The following RSPO2 variants were observed in gnomAD, a reference collection of about 807,000 sequenced individuals.
The protein encoded by RSPO2 is R-spondin 2.
A neutral mutation model predicts 30.9 loss-of-function variants in RSPO2; 14 were observed. The observed-to-expected ratio is 0.45, with a 90% CI of 0.30 to 0.71. The LOEUF (loss-of-function observed/expected upper bound fraction) is 0.71. Ranked by LOEUF, RSPO2 falls within the 30% of genes least tolerant of loss-of-function variation. RSPO2 has a pLI of 0.08. For synonymous variants in RSPO2, 107 were observed against 96.4 expected (o/e 1.11, Z -0.64); for missense variants, 264 against 301.9 (o/e 0.87, Z 0.93).
At chr8:107,983,796 T>C (rs1354366181) in intron 3 of RSPO2, 18 of 1,604,508 alleles carry the variant, frequency 1.1e-5, no homozygotes, top group Non-Finnish European at 1.3e-5. Flanking sequence ...ATCAGAGTTA[T>C]GGAGCTTGCC....
chr8:108,058,451 C>A (rs1438774272), intron 2 of RSPO2, among the ~76,000 whole-genome samples: 3 of 152,116 alleles, frequency 2.0e-5, no homozygotes, highest in Non-Finnish European at 4.4e-5. Flanking sequence ...TCAATGCTAT[C>A]CCATCAAGCT....
chr8:108,056,686 G>A (rs1019753456), intron 2 of RSPO2, among the ~76,000 whole-genome samples: 1 of 150,866 alleles, frequency 6.6e-6, no homozygotes, highest in Non-Finnish European at 1.5e-5. Flanking sequence ...CACTATGCCT[G>A]GCACATAGTA....
rs1205884065 is a variant in RSPO2, at chr8:107,900,044, G to T, written c.*1031C>A. ...ATTTGGGGGAAAAAAATTGCAGTCA[G>T]AAATAATGTTTGTTTGGACAATTCT... On this transcript the variant is annotated 3_prime_UTR_variant, in exon 6 of 6. Coordinates refer to ENST00000276659, the MANE Select transcript of RSPO2 (RefSeq NM_178565.5). The T allele has an allele frequency of 6.6e-6, 1 of 152,058 alleles. No homozygotes were observed. Among genetic ancestry groups the T allele is most frequent in the Admixed American group, 6.5e-5 (1 of 15,284 alleles). 9.4% of individuals were successfully genotyped at this position (152,058 alleles called of 1,614,324 possible). A position where few individuals can be genotyped will look rare whatever the true frequency, so the allele number is the denominator to read the frequency against.
intron 2 of RSPO2, among the ~76,000 whole-genome samples, chr8:108,014,637 T>A (rs1442650601): frequency 6.6e-6 from 1 of 151,106 alleles, no homozygotes; most frequent in Non-Finnish European, 1.5e-5. Flanking sequence ...AAGTGGGAGT[T>A]GAACAATGAG....
At chr8:108,035,242 T>C (rs918217500) in intron 2 of RSPO2, among the ~76,000 whole-genome samples, 1 of 152,218 alleles carries the variant, frequency 6.6e-6, no homozygotes, top group Non-Finnish European at 1.5e-5. Context: ...TTAGTATAAG[T>C]AAGCCACCAG....
intron 5 of RSPO2, among the ~76,000 whole-genome samples, chr8:107,937,512 T>A (rs1586560168): frequency 6.6e-6 from 1 of 151,938 alleles, no homozygotes; most frequent in East Asian, 1.9e-4. Context: ...TAAGTGGTAG[T>A]CCTGGGAAGA....
At chr8:107,929,660 G>T (rs182491156) in intron 5 of RSPO2, among the ~76,000 whole-genome samples, 25 of 151,928 alleles carry the variant, frequency 1.6e-4, no homozygotes, top group Non-Finnish European at 3.4e-4. Flanking sequence ...ATTGCTGAAG[G>T]ATACTTTAAA....
intron 2 of RSPO2, among the ~76,000 whole-genome samples, chr8:108,080,596 G>A (rs1332173541): frequency 1.3e-5 from 2 of 152,168 alleles, no homozygotes; most frequent in African/African-American, 4.8e-5. Context: ...TGCAGAGAAG[G>A]CATGCAGTAT....
chr8:107,924,220 C>T (rs562682467), intron 5 of RSPO2, among the ~76,000 whole-genome samples: 1 of 151,994 alleles, frequency 6.6e-6, no homozygotes, highest in Non-Finnish European at 1.5e-5. Flanking sequence ...AGTAGGAAAT[C>T]GGCCACAGAA....
At chr8:108,029,918 C>A (rs563342822) in intron 2 of RSPO2, among the ~76,000 whole-genome samples, 1 of 152,092 alleles carries the variant, frequency 6.6e-6, no homozygotes, top group African/African-American at 2.4e-5. Context: ...AAAGATAGTC[C>A]TTGTCCTTGT....
intron 2 of RSPO2, among the ~76,000 whole-genome samples, chr8:108,066,273 G>C (rs1812664958): frequency 6.6e-6 from 1 of 152,112 alleles, no homozygotes; most frequent in African/African-American, 2.4e-5. Context: ...TAAAGTAGCA[G>C]AAAGTACTGT....
At chr8:108,013,408 G>C (rs1810768801) in intron 2 of RSPO2, among the ~76,000 whole-genome samples, 1 of 152,146 alleles carries the variant, frequency 6.6e-6, no homozygotes, top group Admixed American at 6.5e-5. Context: ...CCATTCAGTA[G>C]AGATTAGTAT....
At chr8:108,006,592 C>T (rs1815460055) in intron 2 of RSPO2, among the ~76,000 whole-genome samples, 1 of 148,412 alleles carries the variant, frequency 6.7e-6, no homozygotes, top group South Asian at 2.1e-4. Context: ...TTTTTTAATA[C>T]TGGCAAACTG....
At chr8:108,018,302 C>T (rs933059141) in intron 2 of RSPO2, among the ~76,000 whole-genome samples, 7 of 152,092 alleles carry the variant, frequency 4.6e-5, no homozygotes, top group Admixed American at 1.3e-4. Context: ...TATTGGTTTA[C>T]AAGGGGAAGA....
At chr8:108,035,593 C>T (rs1811569418) in intron 2 of RSPO2, among the ~76,000 whole-genome samples, 1 of 152,184 alleles carries the variant, frequency 6.6e-6, no homozygotes, top group Non-Finnish European at 1.5e-5. Flanking sequence ...GCCTCAGCCT[C>T]CCGAGTAGCT....
chr8:108,075,600 C>T (rs1202108423), intron 2 of RSPO2, among the ~76,000 whole-genome samples: 1 of 151,830 alleles, frequency 6.6e-6, no homozygotes, highest in Non-Finnish European at 1.5e-5. Context: ...TACACAGACA[C>T]TAGTGTACTC....
At chr8:107,993,253 A>G (rs1419893076) in intron 2 of RSPO2, among the ~76,000 whole-genome samples, 3 of 152,198 alleles carry the variant, frequency 2.0e-5, no homozygotes, top group Non-Finnish European at 4.4e-5. Flanking sequence ...AACAGAATCT[A>G]TAACTTCTAA....
intron 2 of RSPO2, among the ~76,000 whole-genome samples, chr8:108,039,023 T>C (rs1240557602): frequency 6.6e-6 from 1 of 152,170 alleles, no homozygotes; most frequent in East Asian, 1.9e-4. Context: ...CAAATTAGTA[T>C]CCACATTTTG....
chr8:108,054,477 A>C (rs1812176762), intron 2 of RSPO2, among the ~76,000 whole-genome samples: 1 of 152,040 alleles, frequency 6.6e-6, no homozygotes, highest in African/African-American at 2.4e-5. Flanking sequence ...TAAATATATC[A>C]CTTCCACCCA....
Sources: allele counts gnomAD v4.1 joint callset (sites outside exome capture counted in the v4.1 genomes callset), GRCh38; gene constraint gnomAD v4.1.1; transcripts MANE v1.5; gene names NCBI Gene and HGNC (gene_info 2026-07-23, HGNC 2026-07-21).